Variants in DPP10 observed in about 807,000 individuals in gnomAD.
DPP10 encodes dipeptidyl peptidase like 10, also known as inactive dipeptidyl peptidase 10.
In DPP10, 33 loss-of-function variants were observed where a neutral mutation model predicts 120.9. That is an observed-to-expected ratio of 0.27 (90% CI 0.21 to 0.37). DPP10 has a LOEUF of 0.37. Ranked by LOEUF, DPP10 falls within the 10% of genes least tolerant of loss-of-function variation. DPP10 has a pLI of 1.00. For missense variants in DPP10, 816 were observed against 942.8 expected (o/e 0.87, Z 1.76); for synonymous variants, 337 against 326.1 (o/e 1.03, Z -0.36).
intron 2 of DPP10, among the ~76,000 whole-genome samples, chr2:115,340,651 T>A (rs963207557): frequency 6.6e-6 from 1 of 151,862 alleles, no homozygotes; most frequent in African/African-American, 2.4e-5. Context: ...GCCTTTTTTT[T>A]AAGTTAACAT....
chr2:115,222,775 C>T (rs1574065688), intron 1 of DPP10, among the ~76,000 whole-genome samples: 1 of 151,724 alleles, frequency 6.6e-6, no homozygotes, highest in East Asian at 1.9e-4. Context: ...ATTAATTTGC[C>T]CAAATTTGTC....
chr2:115,073,386 A>T (rs190797472), intron 1 of DPP10, among the ~76,000 whole-genome samples: 1 of 152,338 alleles, frequency 6.6e-6, no homozygotes, highest in Admixed American at 6.5e-5. Flanking sequence ...GGATCCCTGT[A>T]TTAGGGCCTG....
intron 1 of DPP10, among the ~76,000 whole-genome samples, chr2:114,994,027 C>T (rs1038505401): frequency 9.9e-5 from 15 of 152,026 alleles, no homozygotes; most frequent in African/African-American, 2.4e-4. Context: ...TTATTCTTCA[C>T]GGAACTGACA....
chr2:114,885,139 G>A (rs1008780950), intron 1 of DPP10, among the ~76,000 whole-genome samples: 2 of 152,180 alleles, frequency 1.3e-5, no homozygotes, highest in African/African-American at 4.8e-5. Flanking sequence ...TTGGCTTATA[G>A]TCCCATAGGC....
intron 1 of DPP10, among the ~76,000 whole-genome samples, chr2:114,993,467 T>A (rs1480649731): frequency 1.3e-5 from 2 of 151,244 alleles, no homozygotes; most frequent in Non-Finnish European, 2.9e-5. Flanking sequence ...CAAAACCTTA[T>A]AGAACCAAGT....
chr2:115,305,317 G>A (rs2061317180), intron 1 of DPP10, among the ~76,000 whole-genome samples: 1 of 152,004 alleles, frequency 6.6e-6, no homozygotes, highest in Non-Finnish European at 1.5e-5. Context: ...ATGTTGGGTG[G>A]TAGAAAGCCA....
At chr2:114,784,255 T>C (rs899342364) in intron 1 of DPP10, among the ~76,000 whole-genome samples, 3 of 152,088 alleles carry the variant, frequency 2.0e-5, no homozygotes, top group African/African-American at 7.2e-5. Flanking sequence ...ACTTTATAGA[T>C]AAAGTTCAGA....
chr2:114,521,121 TA>T (rs1685010330), intron 1 of DPP10, among the ~76,000 whole-genome samples: 1 of 151,300 alleles, frequency 6.6e-6, no homozygotes, highest in Admixed American at 6.6e-5. Flanking sequence ...AAGAAGAAAA[TA>T]AATAAAAAAT....
chr2:115,759,432 A>T (rs1248236878), intron 11 of DPP10, among the ~76,000 whole-genome samples: 1 of 151,858 alleles, frequency 6.6e-6, no homozygotes, highest in African/African-American at 2.4e-5. Context: ...ACTTCATTAG[A>T]CATTAGCAAA....
chr2:114,641,282 C>T (rs17048538), intron 1 of DPP10, among the ~76,000 whole-genome samples: 1,636 of 152,046 alleles, frequency 0.011, 78 homozygotes, highest in African/African-American at 0.038. Flanking sequence ...TGATCAACTC[C>T]GACCTTTGTC....
chr2:115,407,473 A>G (rs1279581743), intron 3 of DPP10, among the ~76,000 whole-genome samples: 3 of 152,178 alleles, frequency 2.0e-5, no homozygotes, highest in Non-Finnish European at 4.4e-5. Context: ...GGCCAATCTA[A>G]GCGTTCCTGG....
At chr2:115,394,760 G>T (rs571033087) in intron 3 of DPP10, among the ~76,000 whole-genome samples, 2 of 152,180 alleles carry the variant, frequency 1.3e-5, no homozygotes, top group African/African-American at 4.8e-5. Context: ...TACTCTACAG[G>T]TCAGAGGGCC....
At chr2:115,052,891 G>A (rs1705615883) in intron 1 of DPP10, among the ~76,000 whole-genome samples, 1 of 150,382 alleles carries the variant, frequency 6.6e-6, no homozygotes, top group Non-Finnish European at 1.5e-5. Flanking sequence ...GGCGGAGGTT[G>A]CAGTGGGCTG....
At chr2:114,456,020 C>A (rs1224333827) in intron 1 of DPP10, among the ~76,000 whole-genome samples, 2 of 152,118 alleles carry the variant, frequency 1.3e-5, no homozygotes, top group Admixed American at 6.5e-5. Flanking sequence ...AGGGTACTTC[C>A]TTCTAAAATA....
chr2:114,544,401 C>T (rs1402915339), intron 1 of DPP10, among the ~76,000 whole-genome samples: 1 of 152,190 alleles, frequency 6.6e-6, no homozygotes, highest in Non-Finnish European at 1.5e-5. Context: ...AAGTATGTTT[C>T]TTGCCTTCAA....
chr2:115,155,870 T>C (rs1041346704), intron 1 of DPP10, among the ~76,000 whole-genome samples: 2 of 152,218 alleles, frequency 1.3e-5, no homozygotes, highest in African/African-American at 4.8e-5. Context: ...AACTTCAGAA[T>C]GTATTCTCTT....
intron 1 of DPP10, among the ~76,000 whole-genome samples, chr2:114,747,884 T>A (rs1678726562): frequency 6.6e-6 from 1 of 152,212 alleles, no homozygotes; most frequent in Non-Finnish European, 1.5e-5. Flanking sequence ...AATGCATTCC[T>A]CGGAGAATGT....
chr2:115,297,893 A>G (rs2060959823), intron 1 of DPP10, among the ~76,000 whole-genome samples: 3 of 152,032 alleles, frequency 2.0e-5, no homozygotes, highest in Admixed American at 6.6e-5. Context: ...TCCAGTCTGT[A>G]GATCACTGAC....
At chr2:114,966,015 A>G (rs955984932) in intron 1 of DPP10, among the ~76,000 whole-genome samples, 2 of 151,408 alleles carry the variant, frequency 1.3e-5, no homozygotes, top group African/African-American at 4.8e-5. Flanking sequence ...AAAGATAAAG[A>G]GGAACAAGCA....
Sources: allele counts gnomAD v4.1 joint callset (sites outside exome capture counted in the v4.1 genomes callset), GRCh38; gene constraint gnomAD v4.1.1; transcripts MANE v1.5; gene names NCBI Gene and HGNC (gene_info 2026-07-23, HGNC 2026-07-21).